LIN52: variants seen among roughly 807,000 people sequenced by gnomAD.
LIN52 encodes lin-52 DREAM MuvB core complex component.
A neutral mutation model predicts 18.5 loss-of-function variants in LIN52; 4 were observed. The ratio of observed to expected loss-of-function variants is 0.22; its 90% confidence interval spans 0.11 to 0.49. The LOEUF (loss-of-function observed/expected upper bound fraction) is 0.49. LIN52 is among the 20% of genes least tolerant of loss of function. The pLI is 0.97. For missense variants in LIN52, 102 were observed against 139.5 expected (o/e 0.73, Z 1.35); for synonymous variants, 34 against 45.5 (o/e 0.75, Z 1.02).
chr14:74,152,270 A>C (rs1315669127), intron 5 of LIN52, among the ~76,000 whole-genome samples: 1 of 151,820 alleles, frequency 6.6e-6, no homozygotes, highest in Non-Finnish European at 1.5e-5. Flanking sequence ...CTCAAAAAAA[A>C]AAAAAAAGAA....
At chr14:74,165,005 G>A in intron 5 of LIN52, among the ~76,000 whole-genome samples, 1 of 152,148 alleles carries the variant, frequency 6.6e-6, no homozygotes, top group Non-Finnish European at 1.5e-5. Flanking sequence ...AGTTTAGACA[G>A]CAGACAGACA....
intron 5 of LIN52, among the ~76,000 whole-genome samples, chr14:74,176,785 T>G (rs1277266383): frequency 6.6e-6 from 1 of 152,178 alleles, no homozygotes; most frequent in Non-Finnish European, 1.5e-5. Context: ...CAGTTAATGT[T>G]TTAATATTTC....
At chr14:74,134,965 A>G (rs148313171) in intron 5 of LIN52, among the ~76,000 whole-genome samples, 100 of 152,306 alleles carry the variant, frequency 6.6e-4, no homozygotes, top group African/African-American at 2.3e-3. Flanking sequence ...AAGCAAACAC[A>G]TTGTTTTCTT....
chr14:74,115,875 A>C (rs1255250892), intron 5 of LIN52, among the ~76,000 whole-genome samples: 4 of 152,228 alleles, frequency 2.6e-5, no homozygotes, highest in African/African-American at 9.6e-5. Context: ...ATTTTACCAT[A>C]AAATGCTTGT....
chr14:74,146,570 T>G (rs1398760475), intron 5 of LIN52, among the ~76,000 whole-genome samples: 1 of 152,164 alleles, frequency 6.6e-6, no homozygotes, highest in African/African-American at 2.4e-5. Context: ...CCACAGATAT[T>G]AAAGACTTGA....
intron 5 of LIN52, chr14:74,114,172 A>AG (rs2060948817): frequency 1.2e-6 from 1 of 855,690 alleles, no homozygotes; most frequent in Admixed American, 1.5e-4. Context: ...TATAACTGAG[A>AG]TTAGTGTGTG....
In LIN52 at chr14:74,088,077, TA is replaced by T. The variant is rs2060747749; in HGVS notation, c.19+3086del. Among the ~76,000 whole-genome samples, 3 of 152,004 alleles carry T rather than the reference TA, an allele frequency of 2.0e-5. No homozygotes were observed. In the South Asian group the frequency reaches 6.2e-4, roughly 32 times the overall value. On this transcript the variant is annotated intron_variant, in intron 1 of 5. Coordinates refer to ENST00000555028, the MANE Select transcript of LIN52 (RefSeq NM_001024674.3). Reference sequence around the variant, plus strand: ...ATAGGCTCACACCACCATGCCCAGCTAATTTATTATTATTATTATTTATTTT... The same window carrying T: ...ATAGGCTCACACCACCATGCCCAGCTATTTATTATTATTATTATTTATTTT...
At chr14:74,173,899 C>A (rs1033680943) in intron 5 of LIN52, among the ~76,000 whole-genome samples, 1 of 152,154 alleles carries the variant, frequency 6.6e-6, no homozygotes, top group Non-Finnish European at 1.5e-5. Flanking sequence ...CGTTCTCTTG[C>A]GAGAACAAAG....
In LIN52 at chr14:74,099,586, T is replaced by TG. The variant is rs2060839187; in HGVS notation, c.200-1569_200-1568insG. ...GAAAGAACATTTTTAAGTATTGTCT[T>TG]TGTGTGTGTGTGTGTGTGTGTGTAT... On this transcript the variant is annotated intron_variant, in intron 4 of 5. Transcript: ENST00000555028. Among the ~76,000 whole-genome samples the TG allele has an allele frequency of 3.7e-3, 552 of 149,458 alleles. 5 individuals carry two copies. Among genetic ancestry groups the TG allele is most frequent in the African/African-American group, 0.013 (521 of 40,918 alleles).
chr14:74,161,784 T>C (rs1279364785), intron 5 of LIN52, among the ~76,000 whole-genome samples: 3 of 152,208 alleles, frequency 2.0e-5, no homozygotes, highest in African/African-American at 7.2e-5. Context: ...AGGACTGCCA[T>C]TGCCAAGGTG....
At chr14:74,091,467 G>A (rs913155892) in intron 2 of LIN52, among the ~76,000 whole-genome samples, 161 bp downstream of exon 2, 2 of 152,026 alleles carry the variant, frequency 1.3e-5, no homozygotes, top group Non-Finnish European at 2.9e-5. Context: ...TGACACTAAC[G>A]TTAATAAGTT....
At chr14:74,119,475 T>C (rs1174478601) in intron 5 of LIN52, among the ~76,000 whole-genome samples, 2 of 152,116 alleles carry the variant, frequency 1.3e-5, no homozygotes, top group African/African-American at 4.8e-5. Context: ...GTACATGCAT[T>C]TTCATTGGAT....
chr14:74,194,457 A>C (rs567329216), intron 5 of LIN52, among the ~76,000 whole-genome samples: 1 of 152,322 alleles, frequency 6.6e-6, no homozygotes, highest in South Asian at 2.1e-4. Context: ...AAGTATACCC[A>C]GGTATTTACA....
intron 5 of LIN52, among the ~76,000 whole-genome samples, chr14:74,179,749 A>AC (rs1030913346): frequency 4.6e-5 from 7 of 151,792 alleles, no homozygotes; most frequent in African/African-American, 1.4e-4. Context: ...TCTAAAAGAC[A>AC]CCCCCCTTGT....
chr14:74,090,232 T>C (rs2060764674), intron 1 of LIN52, among the ~76,000 whole-genome samples: 1 of 152,068 alleles, frequency 6.6e-6, no homozygotes, highest in Admixed American at 6.6e-5. Context: ...TTGGCCAGGC[T>C]GGTCTTGAAC....
chr14:74,085,318 CT>C, intron 1 of LIN52: 1 of 267,468 alleles, frequency 3.7e-6, no homozygotes, highest in Non-Finnish European at 7.0e-6. Context: ...GGAGATGTTT[CT>C]GGAGGACGTG....
intron 5 of LIN52, among the ~76,000 whole-genome samples, chr14:74,189,608 A>G (rs2061355108): frequency 6.6e-6 from 1 of 152,168 alleles, no homozygotes; most frequent in African/African-American, 2.4e-5. Flanking sequence ...TTTGCTCTTA[A>G]AAGAGGGCAG....
chr14:74,138,916 G>A (rs759553060), intron 5 of LIN52, among the ~76,000 whole-genome samples: 2 of 149,722 alleles, frequency 1.3e-5, no homozygotes, highest in Non-Finnish European at 3.0e-5. Flanking sequence ...TAAAATAATT[G>A]TGGCTTACAC....
chr14:74,113,368 G>A (rs1295137914), intron 5 of LIN52, among the ~76,000 whole-genome samples: 1 of 151,972 alleles, frequency 6.6e-6, no homozygotes, highest in Non-Finnish European at 1.5e-5. Context: ...TTCCAGCCTG[G>A]GCAACAGAGC....
Sources: allele counts gnomAD v4.1 joint callset (sites outside exome capture counted in the v4.1 genomes callset), GRCh38; gene constraint gnomAD v4.1.1; transcripts MANE v1.5; gene names NCBI Gene and HGNC (gene_info 2026-07-23, HGNC 2026-07-21).